The following SLC35F1 variants were observed in gnomAD, a reference collection of about 807,000 sequenced individuals.
SLC35F1 encodes chromosome 6 open reading frame 169.
In SLC35F1, 14 loss-of-function variants were observed where a neutral mutation model predicts 48.7. The ratio of observed to expected loss-of-function variants is 0.29; its 90% CI spans 0.19 to 0.45. The LOEUF (loss-of-function observed/expected upper bound fraction) is 0.45. Ranked by LOEUF, SLC35F1 falls within the 20% of genes least tolerant of loss-of-function variation. SLC35F1 has a pLI of 1.00. For missense variants in SLC35F1, 404 were observed against 500.0 expected (o/e 0.81, Z 1.83); for synonymous variants, 190 against 202.2 (o/e 0.94, Z 0.51).
chr6:117,976,256 C>T (rs1582595680), intron 1 of SLC35F1, among the ~76,000 whole-genome samples: 1 of 152,272 alleles, frequency 6.6e-6, no homozygotes, highest in East Asian at 1.9e-4. Context: ...CTATTCATGC[C>T]TATAGTGGCA....
In SLC35F1 at chr6:118,032,443, C is replaced by T. The variant is rs150372681; in HGVS notation, c.174-122002C>T. ...GCTAGACACATGAGGTTGAATAACT[C>T]ACAGTCTCTGCCTTCAAGGAAGTGG... On this transcript the variant is annotated intron_variant, in intron 1 of 7. Transcript: ENST00000360388. 7.3e-3 allele frequency among the ~76,000 whole-genome samples: 1,116 copies of T among 152,304 alleles called. 12 individuals carry two copies. The highest frequency in any genetic ancestry group is 0.024 in the Middle Eastern group (7 of 294).
Position 118,208,112 on chromosome 6 carries a change from C to T in SLC35F1, c.350-27397C>T, listed in dbSNP as rs542250026. ...ACACACACATGCACGCACACACACGCGCGCGCGCGATCACACACACACACA... is the reference window on the plus strand; with the variant it reads ...ACACACACATGCACGCACACACACGTGCGCGCGCGATCACACACACACACA... On this transcript the variant is annotated intron_variant, in intron 2 of 7. Coordinates refer to ENST00000360388, the MANE Select transcript of SLC35F1 (RefSeq NM_001029858.4). 1.5e-4 allele frequency among the ~76,000 whole-genome samples: 19 copies of T among 124,384 alleles called. 1 individual carries two copies. The East Asian group carries it at 2.9e-3, about 19-fold the overall frequency. The allele number at this position is 124,384 out of a possible 152,430, so 81.6% of individuals were successfully genotyped here.
At chr6:117,909,221 G>A (rs903460868) in intron 1 of SLC35F1, among the ~76,000 whole-genome samples, 1 of 152,142 alleles carries the variant, frequency 6.6e-6, no homozygotes, top group Non-Finnish European at 1.5e-5. Context: ...AAAAGATAAA[G>A]TAGAATAAAG....
chr6:117,951,535 T>G (rs765735711), intron 1 of SLC35F1, among the ~76,000 whole-genome samples: 1 of 152,202 alleles, frequency 6.6e-6, no homozygotes, highest in Non-Finnish European at 1.5e-5. Flanking sequence ...ATATGAGATG[T>G]TAATATACTC....
At position 118,184,720 on chromosome 6, in the gene SLC35F1, G is replaced by A. The variant is rs548363719; in HGVS notation, c.349+30100G>A. ...GTACTTTAGTGTGTGATGTCTGTGG[G>A]TTTGAACTTCGGGGCACATCCAGAT... is the stretch of plus-strand genomic sequence containing the variant. On this transcript the variant is annotated intron_variant, in intron 2 of 7. Transcript: ENST00000360388. Among the ~76,000 whole-genome samples, 39 of 152,274 alleles carry A rather than the reference G, an allele frequency of 2.6e-4. No homozygotes were observed. In the South Asian group the frequency reaches 7.7e-3, roughly 30 times the overall value.
intron 1 of SLC35F1, among the ~76,000 whole-genome samples, chr6:117,922,070 G>A (rs996030040): frequency 1.3e-5 from 2 of 152,150 alleles, no homozygotes; most frequent in African/African-American, 4.8e-5. Context: ...AGTTGCTATT[G>A]AGCAAGCATG....
chr6:117,920,826 T>C (rs984999209), intron 1 of SLC35F1, among the ~76,000 whole-genome samples: 2 of 152,082 alleles, frequency 1.3e-5, no homozygotes, highest in Non-Finnish European at 2.9e-5. Context: ...GAAATATAAG[T>C]TCCCAGATAA....
At chr6:118,205,307 A>C (rs1332613203) in intron 2 of SLC35F1, among the ~76,000 whole-genome samples, 1 of 152,198 alleles carries the variant, frequency 6.6e-6, no homozygotes, top group East Asian at 1.9e-4. Flanking sequence ...ACAAAATGGA[A>C]AAAGGACTTG....
intron 1 of SLC35F1, among the ~76,000 whole-genome samples, chr6:117,913,130 G>T (rs993662901): frequency 6.6e-6 from 1 of 152,164 alleles, no homozygotes; most frequent in Non-Finnish European, 1.5e-5. Flanking sequence ...AGTTTAGCTT[G>T]CTTGTTCATT....
intron 1 of SLC35F1, among the ~76,000 whole-genome samples, chr6:117,948,255 A>C (rs1776319518): frequency 6.6e-6 from 1 of 152,140 alleles, no homozygotes; most frequent in African/African-American, 2.4e-5. Flanking sequence ...CATTTTTTTT[A>C]CAGTACTTAA....
chr6:117,979,465 A>G (rs1049214937), intron 1 of SLC35F1, among the ~76,000 whole-genome samples: 1 of 152,188 alleles, frequency 6.6e-6, no homozygotes, highest in Non-Finnish European at 1.5e-5. Flanking sequence ...TCCTTTTTCC[A>G]ACAGAAGTAG....
At chr6:118,290,195 C>G (rs1357454361) in intron 7 of SLC35F1, among the ~76,000 whole-genome samples, 1 of 150,898 alleles carries the variant, frequency 6.6e-6, no homozygotes, top group Non-Finnish European at 1.5e-5. Context: ...TTGTTCACAT[C>G]CAATATTTCA....
intron 2 of SLC35F1, among the ~76,000 whole-genome samples, chr6:118,172,298 G>A (rs1282008181): frequency 1.3e-5 from 2 of 152,138 alleles, no homozygotes; most frequent in Non-Finnish European, 2.9e-5. Context: ...TAGAGACATA[G>A]AGGAATTTTA....
intron 1 of SLC35F1, among the ~76,000 whole-genome samples, chr6:118,005,770 C>T (rs1489393189): frequency 1.3e-5 from 2 of 152,146 alleles, no homozygotes; most frequent in African/African-American, 2.4e-5. Context: ...CTAGCACTAA[C>T]CAATTACCTG....
chr6:118,098,912 G>T (rs1773217316), intron 1 of SLC35F1, among the ~76,000 whole-genome samples: 1 of 152,146 alleles, frequency 6.6e-6, no homozygotes. Context: ...TCTCTTCCTG[G>T]TTCCCTTCAT....
In SLC35F1 at chr6:117,923,511, A is replaced by ACACG. The variant is rs397819946; in HGVS notation, c.173+15612_173+15613insCACG. On this transcript the variant is annotated intron_variant, in intron 1 of 7. Coordinates refer to ENST00000360388, the MANE Select transcript of SLC35F1 (RefSeq NM_001029858.4). ...ATATATATAAAATATATATATACAC[A>ACACG]TACATGTGTATATACACATATATGG... Among the ~76,000 whole-genome samples, 60 of 143,616 alleles carry ACACG rather than the reference A, an allele frequency of 4.2e-4. 1 individual carries two copies. In the East Asian group the frequency reaches 0.012, roughly 28 times the overall value. 94.2% of individuals were successfully genotyped at this position (143,616 alleles called of 152,430 possible).
At chr6:118,280,207 A>T (rs529477418) in intron 6 of SLC35F1, among the ~76,000 whole-genome samples, 1 of 152,366 alleles carries the variant, frequency 6.6e-6, no homozygotes, top group South Asian at 2.1e-4. Flanking sequence ...GTATGATCGA[A>T]TACAGCTAAA....
chr6:118,030,977 G>T (rs1382724417), intron 1 of SLC35F1, among the ~76,000 whole-genome samples: 1 of 151,822 alleles, frequency 6.6e-6, no homozygotes, highest in Non-Finnish European at 1.5e-5. Flanking sequence ...TGTAGTTTTT[G>T]AGCAGTTTTA....
chr6:118,095,545 A>T (rs1773141571), intron 1 of SLC35F1, among the ~76,000 whole-genome samples: 1 of 152,158 alleles, frequency 6.6e-6, no homozygotes, highest in Non-Finnish European at 1.5e-5. Flanking sequence ...AAACAGCTGT[A>T]GGAATCAGTT....
Sources: gnomAD v4.1 joint callset for allele counts (sites outside exome capture counted in the v4.1 genomes callset) on GRCh38, gnomAD v4.1.1 for gene constraint, MANE v1.5 for transcripts, NCBI Gene and HGNC (gene_info 2026-07-23, HGNC 2026-07-21) for gene names.